PSD3: variants seen among roughly 807,000 people sequenced by gnomAD.
The protein encoded by PSD3 is pleckstrin and Sec7 domain containing 3.
PSD3 carries 49 observed loss-of-function variants against 105.5 expected under a neutral mutation model. The observed-to-expected ratio is 0.46, with a 90% CI of 0.37 to 0.59. The LOEUF (loss-of-function observed/expected upper bound fraction) is 0.59. PSD3 is among the 20% of genes least tolerant of loss of function. The pLI is 0.00. For synonymous variants in PSD3, 557 were observed against 457.8 expected, an observed-to-expected ratio of 1.22 and a Z score of -2.77; for missense variants, 1,561 against 1,263.8, an observed-to-expected ratio of 1.24 and a Z score of -3.57.
intron 1 of PSD3, among the ~76,000 whole-genome samples, chr8:18,960,365 G>C (rs181345518): frequency 6.6e-6 from 1 of 152,276 alleles, no homozygotes; most frequent in East Asian, 1.9e-4. Flanking sequence ...TAGAATACAA[G>C]ACACAGACAC....
chr8:18,845,276 G>T (rs187067987), intron 4 of PSD3, among the ~76,000 whole-genome samples: 3 of 152,182 alleles, frequency 2.0e-5, no homozygotes, highest in Non-Finnish European at 4.4e-5. Flanking sequence ...AGAGGATGGC[G>T]AGAGGAACGG....
At chr8:18,976,258 A>C (rs1320460459) in intron 1 of PSD3, among the ~76,000 whole-genome samples, 2 of 152,254 alleles carry the variant, frequency 1.3e-5, no homozygotes, top group Non-Finnish European at 2.9e-5. Context: ...CCACGAAGAC[A>C]GTTCACAAAA....
chr8:18,698,162 G>T (rs1010982767), intron 9 of PSD3, among the ~76,000 whole-genome samples: 2 of 152,114 alleles, frequency 1.3e-5, no homozygotes, highest in Non-Finnish European at 2.9e-5. Flanking sequence ...GCAGTGGTGC[G>T]ATCATAGCTC....
At chr8:18,806,013 T>C (rs1378084983) in intron 4 of PSD3, among the ~76,000 whole-genome samples, 1 of 152,160 alleles carries the variant, frequency 6.6e-6, no homozygotes, top group African/African-American at 2.4e-5. Context: ...GACAGACGAA[T>C]GTTTTTCCTG....
intron 2 of PSD3, among the ~76,000 whole-genome samples, chr8:18,935,180 G>C (rs1051938956): frequency 1.8e-4 from 28 of 152,126 alleles, no homozygotes; most frequent in African/African-American, 6.0e-4. Flanking sequence ...ACTAGTAATA[G>C]TTCTATTTGT....
chr8:18,762,695 A>G (rs1361573127), intron 9 of PSD3, among the ~76,000 whole-genome samples: 1 of 152,246 alleles, frequency 6.6e-6, no homozygotes, highest in South Asian at 2.1e-4. Context: ...TTTAAACTAA[A>G]AAAAGGGCTC....
At chr8:18,737,343 G>T (rs916791572) in intron 9 of PSD3, among the ~76,000 whole-genome samples, 1 of 152,152 alleles carries the variant, frequency 6.6e-6, no homozygotes, top group Non-Finnish European at 1.5e-5. Context: ...GTGTGTGTGC[G>T]TGTGACGGGG....
chr8:18,674,622 G>A (rs1799969131), intron 9 of PSD3, among the ~76,000 whole-genome samples: 1 of 152,146 alleles, frequency 6.6e-6, no homozygotes, highest in Non-Finnish European at 1.5e-5. Flanking sequence ...GGTGGATGGG[G>A]CACAGAAAAT....
chr8:18,828,366 C>G (rs1397064868), intron 4 of PSD3, among the ~76,000 whole-genome samples: 2 of 151,952 alleles, frequency 1.3e-5, no homozygotes, highest in East Asian at 1.9e-4. Context: ...TGGGAAATAC[C>G]CACAAACATT....
chr8:18,756,018 T>C (rs1384148050), intron 9 of PSD3, among the ~76,000 whole-genome samples: 2 of 152,154 alleles, frequency 1.3e-5, no homozygotes, highest in African/African-American at 4.8e-5. Flanking sequence ...AAAGCAGCAA[T>C]ATTCCATATT....
At chr8:18,581,416 G>A (rs1214562922) in intron 12 of PSD3, among the ~76,000 whole-genome samples, 2 of 152,134 alleles carry the variant, frequency 1.3e-5, no homozygotes, top group Non-Finnish European at 2.9e-5. Flanking sequence ...ACAGATAGGA[G>A]TGTGCTCTTA....
At chr8:18,670,063 T>C (rs1240441546) in intron 9 of PSD3, among the ~76,000 whole-genome samples, 3 of 152,184 alleles carry the variant, frequency 2.0e-5, no homozygotes, top group African/African-American at 7.2e-5. Flanking sequence ...TCTGGTAGGC[T>C]ACCAGATAAT....
chr8:18,581,288 A>C (rs563434225), intron 12 of PSD3, among the ~76,000 whole-genome samples: 71 of 152,302 alleles, frequency 4.7e-4, no homozygotes, highest in African/African-American at 1.6e-3. Context: ...TATTAAAATA[A>C]TATTTGTCTT....
chr8:18,812,944 G>C (rs1343889841), intron 4 of PSD3, among the ~76,000 whole-genome samples: 4 of 152,148 alleles, frequency 2.6e-5, no homozygotes, highest in Non-Finnish European at 5.9e-5. Flanking sequence ...TCAGACTTGG[G>C]TTTTGGTAAG....
chr8:18,844,547 A>G (rs915749881), intron 4 of PSD3, among the ~76,000 whole-genome samples: 2 of 152,154 alleles, frequency 1.3e-5, no homozygotes, highest in Non-Finnish European at 2.9e-5. Flanking sequence ...CTTGAGCCCA[A>G]ACCACATTAA....
intron 9 of PSD3, among the ~76,000 whole-genome samples, chr8:18,680,594 C>T (rs749026871): frequency 1.3e-5 from 2 of 152,124 alleles, no homozygotes; most frequent in Non-Finnish European, 2.9e-5. Context: ...AGATTTGCAT[C>T]CTGCCCATAT....
intron 1 of PSD3, among the ~76,000 whole-genome samples, chr8:19,052,727 T>TCCC (rs1434245651): frequency 2.6e-4 from 40 of 151,398 alleles, no homozygotes; most frequent in African/African-American, 9.5e-4. Context: ...GGGGAAGGAG[T>TCCC]CTAGTTGCTG....
intron 4 of PSD3, among the ~76,000 whole-genome samples, chr8:18,808,027 T>C (rs924709559): frequency 2.6e-5 from 4 of 152,234 alleles, no homozygotes; most frequent in Admixed American, 2.6e-4. Flanking sequence ...ATAATCATTA[T>C]CGACAGTATA....
intron 8 of PSD3, among the ~76,000 whole-genome samples, chr8:18,770,935 G>A (rs548122394): frequency 3.6e-4 from 55 of 152,304 alleles, no homozygotes; most frequent in African/African-American, 1.2e-3. Context: ...TTTTATTGCC[G>A]ATGGAAGTGG....
Sources: gnomAD v4.1 joint callset for allele counts (sites outside exome capture counted in the v4.1 genomes callset) on GRCh38, gnomAD v4.1.1 for gene constraint, MANE v1.5 for transcripts, NCBI Gene and HGNC (gene_info 2026-07-23, HGNC 2026-07-21) for gene names.